The following DOCK2 variants were observed in gnomAD, a reference collection of about 807,000 sequenced individuals.
DOCK2 encodes the protein dedicator of cytokinesis 2, also known as dedicator of cytokinesis protein 2.
A neutral mutation model predicts 248.9 loss-of-function variants in DOCK2; 87 were observed. That is an observed-to-expected ratio of 0.35 (90% CI 0.29 to 0.42). DOCK2 has a LOEUF of 0.42. Among genes scored for constraint, DOCK2 ranks in the 10% least tolerant of loss-of-function variants. The pLI is 1.00. For synonymous variants in DOCK2, 805 were observed against 821.6 expected (o/e 0.98, Z 0.35); for missense variants, 1,747 against 2,300.2 (o/e 0.76, Z 4.92).
chr5:169,861,281 A>G (rs1020023572), intron 27 of DOCK2, among the ~76,000 whole-genome samples: 1 of 152,218 alleles, frequency 6.6e-6, no homozygotes, highest in Non-Finnish European at 1.5e-5. Flanking sequence ...AAATCAACCC[A>G]AGCTAGTAAT....
At chr5:169,865,173 C>A (rs1771464142) in intron 27 of DOCK2, among the ~76,000 whole-genome samples, 1 of 152,194 alleles carries the variant, frequency 6.6e-6, no homozygotes, top group African/African-American at 2.4e-5. Context: ...ACATTCCCAA[C>A]CTCTTTTTCG....
chr5:170,005,680 A>G, intron 30 of DOCK2, among the ~76,000 whole-genome samples: 2 of 152,192 alleles, frequency 1.3e-5, no homozygotes, highest in Non-Finnish European at 2.9e-5. Flanking sequence ...TTGTGAATAT[A>G]CTAGAAACTA....
rs114188743 is a variant in DOCK2, at chr5:169,867,904, T to C, written c.2799+27052T>C. ...ATTGCAGCAAGGAAGGACTTTAACA[T>C]GGTGAGTTGCAAGCTCTGATTCTCG... is the stretch of plus-strand genomic sequence containing the variant. On this transcript the variant is annotated intron_variant, in intron 27 of 51. Transcript: ENST00000520908. 5.9e-3 allele frequency among the ~76,000 whole-genome samples: 904 copies of C among 152,264 alleles called. 9 individuals are homozygous for C. Among genetic ancestry groups the C allele is most frequent in the African/African-American group, 0.021 (879 of 41,538 alleles).
chr5:170,033,353 A>C (rs1756210754), intron 34 of DOCK2, among the ~76,000 whole-genome samples: 1 of 152,182 alleles, frequency 6.6e-6, no homozygotes, highest in Non-Finnish European at 1.5e-5. Flanking sequence ...TTAGAATATA[A>C]ATACTAAAAC....
intron 1 of DOCK2, among the ~76,000 whole-genome samples, chr5:169,646,919 A>G (rs1338445429): frequency 2.0e-5 from 3 of 152,270 alleles, no homozygotes; most frequent in Admixed American, 1.3e-4. Flanking sequence ...AATTAAGTTC[A>G]GTAAGCCTGT....
intron 27 of DOCK2, among the ~76,000 whole-genome samples, chr5:169,897,044 G>A (rs1311245721): frequency 6.6e-6 from 1 of 152,098 alleles, no homozygotes. Context: ...ACCTTCTTTT[G>A]TAGCCTTGAA....
chr5:170,055,271 A>G, intron 41 of DOCK2, 34 bp from the exon 42 acceptor site: 1 of 1,606,958 alleles, frequency 6.2e-7, no homozygotes. Context: ...CCCCGCAGCC[A>G]ACAGATATAA....
At chr5:169,771,956 T>A (rs1406643653) in intron 25 of DOCK2, among the ~76,000 whole-genome samples, 1 of 152,252 alleles carries the variant, frequency 6.6e-6, no homozygotes, top group Non-Finnish European at 1.5e-5. Context: ...TTTTTGTTTT[T>A]TTCCCATTTG....
At chr5:169,675,473 A>G (rs1759278842) in intron 6 of DOCK2, among the ~76,000 whole-genome samples, 1 of 152,230 alleles carries the variant, frequency 6.6e-6, no homozygotes, top group Non-Finnish European at 1.5e-5. Flanking sequence ...CACAGTTCCA[A>G]TTAGGAGTAA....
chr5:169,735,254 C>T (rs1201094424), intron 22 of DOCK2, among the ~76,000 whole-genome samples: 1 of 152,184 alleles, frequency 6.6e-6, no homozygotes, highest in Non-Finnish European at 1.5e-5. Context: ...TGTAGCCCCT[C>T]TGGTCCCCTT....
chr5:170,008,280 T>A (rs536116893), intron 30 of DOCK2, among the ~76,000 whole-genome samples: 67 of 150,722 alleles, frequency 4.4e-4, no homozygotes, highest in Non-Finnish European at 8.0e-4. Context: ...TGTCTGAGAG[T>A]GGACGTGGTA....
chr5:169,663,939 A>G (rs1163972231), intron 2 of DOCK2, among the ~76,000 whole-genome samples: 1 of 152,246 alleles, frequency 6.6e-6, no homozygotes, highest in Non-Finnish European at 1.5e-5. Context: ...TCCACAGAAA[A>G]TGGGTTTTTC....
intron 23 of DOCK2, among the ~76,000 whole-genome samples, chr5:169,757,051 T>C (rs1383100654): frequency 6.6e-5 from 10 of 152,162 alleles, no homozygotes; most frequent in Admixed American, 6.5e-4. Flanking sequence ...CAGCCTGCAT[T>C]TGTGTTTGAT....
chr5:170,054,287 G>C (rs1421719860), intron 41 of DOCK2, among the ~76,000 whole-genome samples: 2 of 152,170 alleles, frequency 1.3e-5, no homozygotes, highest in African/African-American at 4.8e-5. Context: ...TCATTGGGTA[G>C]AATAGAGGGA....
Position 169,694,414 on chromosome 5 carries a change from C to A in DOCK2, c.844-1389C>A, listed in dbSNP as rs73798755. Among the ~76,000 whole-genome samples, 1,259 of 152,306 alleles carry A rather than the reference C, an allele frequency of 8.3e-3. 22 individuals are homozygous for A. The highest frequency in any genetic ancestry group is 0.029 in the African/African-American group (1,191 of 41,556). ...TCGAGCATGAAGTCAGGAGTTTCCT[C>A]CTGCATGCCTTTCTGATGGCAAGGG... On this transcript the variant is annotated intron_variant, in intron 9 of 51. Coordinates refer to ENST00000520908, the MANE Select transcript of DOCK2 (RefSeq NM_004946.3).
At chr5:170,038,983 T>C (rs1250890466) in intron 36 of DOCK2, among the ~76,000 whole-genome samples, 1 of 152,190 alleles carries the variant, frequency 6.6e-6, no homozygotes, top group Non-Finnish European at 1.5e-5. Flanking sequence ...ATGGAGGTCA[T>C]GTGCAATTTC....
At chr5:169,855,362 G>T (rs185059691) in intron 27 of DOCK2, among the ~76,000 whole-genome samples, 63 of 152,294 alleles carry the variant, frequency 4.1e-4, no homozygotes, top group Admixed American at 6.5e-4. Flanking sequence ...AACAGAATTT[G>T]CAAAGTTACT....
chr5:169,809,706 G>A (rs1767619208), intron 26 of DOCK2, among the ~76,000 whole-genome samples: 1 of 152,276 alleles, frequency 6.6e-6, no homozygotes, highest in South Asian at 2.1e-4. Flanking sequence ...TACGCTTTCA[G>A]CTTCAGTCTC....
At chr5:169,928,649 AG>A (rs1308700804) in intron 27 of DOCK2, among the ~76,000 whole-genome samples, 2 of 152,224 alleles carry the variant, frequency 1.3e-5, no homozygotes, top group Admixed American at 6.5e-5. Flanking sequence ...TAAAAGAGGC[AG>A]AGAGATCTAA....
Sources: allele counts gnomAD v4.1 joint callset (sites outside exome capture counted in the v4.1 genomes callset), GRCh38; gene constraint gnomAD v4.1.1; transcripts MANE v1.5; gene names NCBI Gene and HGNC (gene_info 2026-07-23, HGNC 2026-07-21).